NTHL1: variants seen among roughly 807,000 people sequenced by gnomAD.
NTHL1 encodes the protein endonuclease III-like protein 1.
In NTHL1, 32 loss-of-function variants were observed where a neutral mutation model predicts 32.3. That is an observed-to-expected ratio of 0.99 (90% CI 0.75 to 1.33). NTHL1 has a LOEUF of 1.33. NTHL1 is among the 40% of genes most tolerant of loss of function. The pLI is 0.00. For missense variants in NTHL1, 501 were observed against 414.1 expected, an observed-to-expected ratio of 1.21 and a Z score of -1.82; for synonymous variants, 188 against 176.9, an observed-to-expected ratio of 1.06 and a Z score of -0.50.
At chr16:2,041,366 A>G (rs1213152936) in intron 4 of NTHL1, among the ~76,000 whole-genome samples, 1 of 152,120 alleles carries the variant, frequency 6.6e-6, no homozygotes, top group East Asian at 1.9e-4. Context: ...AGCTTAGAGA[A>G]GCCAAGGGCC....
rs981501011 is a variant in NTHL1, at chr16:2,043,006, G to C, written c.685+561C>G. 2.3e-5 allele frequency among the ~76,000 whole-genome samples: 3 copies of C among 130,892 alleles called. 1 individual carries two copies. Among genetic ancestry groups the C allele is most frequent in the Admixed American group, 1.6e-4 (2 of 12,806 alleles). 85.9% of individuals were successfully genotyped at this position (130,892 alleles called of 152,430 possible). On this transcript the variant is annotated intron_variant, in intron 4 of 5. Coordinates refer to ENST00000651570, the MANE Select transcript of NTHL1 (RefSeq NM_002528.7). The surrounding 1 kb of genome is among the most constrained non-coding windows in gnomAD (Gnocchi z 4.4). Reference sequence around the variant, plus strand: ...CCCTCCCCACCCCACCTGCTGAGGGGATACTCTTCCTCCTCCCTCCTCAGT... The same window carrying C: ...CCCTCCCCACCCCACCTGCTGAGGGCATACTCTTCCTCCTCCCTCCTCAGT...
In NTHL1 at chr16:2,046,356, T is replaced by A. The variant is rs1015408170; in HGVS notation, c.126A>T (p.Lys42Asn). 4 of 1,605,054 alleles carry A rather than the reference T, an allele frequency of 2.5e-6. No individual in the cohort carries two copies. The highest frequency in any genetic ancestry group is 3.4e-6 in the Non-Finnish European group (4 of 1,174,032). ...RRREAAAEARKSHSPVKRPRK... is the reference protein window; with the variant it reads ...RRREAAAEARNSHSPVKRPRK... The stretch of plus-strand genomic sequence containing the variant: ...GCGGACGCTTCACGGGGCTGTGGCT[T>A]TTCCTCGCTTCTGCAAAAAGCACCA... Residue 42 changes from lysine (K) to asparagine (N), a missense_variant, in exon 2 of 6, where the codon AAA (lysine) becomes AAT (asparagine). By Grantham distance (94) the Lys-to-Asn change is moderately conservative. Coordinates refer to ENST00000651570, the MANE Select transcript of NTHL1 (RefSeq NM_002528.7).
Position 2,046,310 on chromosome 16 carries a change from C to T in NTHL1, c.172G>A (p.Val58Met), listed in dbSNP as rs1177326558. 5 of 1,612,636 alleles carry T rather than the reference C, an allele frequency of 3.1e-6. No individual in the cohort carries two copies. The highest frequency in any genetic ancestry group is 4.2e-6 in the Non-Finnish European group (5 of 1,179,492). Residue 58 changes from valine to methionine, a missense_variant, in exon 2 of 6, where the codon GTG becomes ATG. Val to Met is a conservative substitution (Grantham distance 21). Transcript: ENST00000651570. ...KRPRKAQRLRVAYEGSDSEKG... is the reference protein window; with the variant it reads ...KRPRKAQRLRMAYEGSDSEKG... ...TCACTGTCCGAGCCCTCATAGGCCA[C>T]ACGCAGTCTCTGTGCTTTCCGCGGA... is the stretch of plus-strand genomic sequence containing the variant.
In NTHL1 at chr16:2,043,543, C is replaced by T. The variant is rs2150941103; in HGVS notation, c.685+24G>A. Reference sequence around the variant, plus strand: ...CCCAAGAGCAGCCAGTGGGCTGGAGCCAGCCCCGCCCTCCTCTACTCACCA... The same window carrying T: ...CCCAAGAGCAGCCAGTGGGCTGGAGTCAGCCCCGCCCTCCTCTACTCACCA... On this transcript the variant is annotated intron_variant, in intron 4 of 5. Coordinates refer to ENST00000651570, the MANE Select transcript of NTHL1 (RefSeq NM_002528.7). The surrounding 1 kb of genome is among the most constrained non-coding windows in gnomAD (Gnocchi z 4.4). The T allele has an allele frequency of 6.2e-7, 1 of 1,601,726 alleles. No individual in the cohort carries two copies. Among genetic ancestry groups the T allele is most frequent in the Middle Eastern group, 2.0e-4 (1 of 5,084 alleles).
Position 2,043,117 on chromosome 16 carries a change from T to C in NTHL1, c.685+450A>G, listed in dbSNP as rs1050805032. On this transcript the variant is annotated intron_variant, in intron 4 of 5. Transcript: ENST00000651570. The surrounding 1 kb of genome is among the most constrained non-coding windows in gnomAD (Gnocchi z 4.4). ...TCGCATCATGGTTTTACAGATGCTG[T>C]TCCTTCTGCTGGGAACACACTTCCT... is the stretch of plus-strand genomic sequence containing the variant. Among the ~76,000 whole-genome samples, 1 of 150,830 alleles carries C rather than the reference T, an allele frequency of 6.6e-6. No homozygotes were observed. The highest frequency in any genetic ancestry group is 1.5e-5 in the Non-Finnish European group (1 of 67,742).
In NTHL1 at chr16:2,043,930, C is replaced by T. The variant is rs540407684; in HGVS notation, c.526-204G>A. The T allele has an allele frequency of 3.3e-5, 20 of 608,144 alleles. No homozygotes were observed. The highest frequency in any genetic ancestry group is 5.6e-5 in the Non-Finnish European group (19 of 340,170). The allele number at this position is 608,144 out of a possible 1,614,324, so 37.7% of individuals were successfully genotyped here. ...GTAGGCCTGACCCCCTCCTCCCACC[C>T]GTGTGGGCCAATGATGCACGTGTAG... On this transcript the variant is annotated intron_variant, in intron 3 of 5. Transcript: ENST00000651570. This position sits in a 1 kb window ranked among gnomAD's most constrained non-coding sequence, Gnocchi z 4.4.
In NTHL1 at chr16:2,044,865, G is replaced by GC. The variant is rs2084321921; in HGVS notation, c.355-66dup. ...CTGGGTGATTCCCTGGCCAGGCTCC[G>GC]CCCCCCGCCCTCGACACACCCTGGT... On this transcript the variant is annotated intron_variant, in intron 2 of 5. Transcript: ENST00000651570. This position sits in a 1 kb window ranked among gnomAD's most constrained non-coding sequence, Gnocchi z 5.0. The GC allele has an allele frequency of 2.7e-6, 4 of 1,494,216 alleles. No homozygotes were observed. The highest frequency in any genetic ancestry group is 2.5e-5 in the South Asian group (2 of 78,800). The allele number at this position is 1,494,216 out of a possible 1,614,324, so 92.6% of individuals were successfully genotyped here.
rs200007034 is a variant in NTHL1, at chr16:2,043,675, C to G, written c.577G>C (p.Gly193Arg). Residue 193 changes from glycine to arginine, a missense_variant, in exon 4 of 6, where the codon GGT becomes CGT. Gly to Arg is a moderately radical substitution (Grantham distance 125). Coordinates refer to ENST00000651570, the MANE Select transcript of NTHL1 (RefSeq NM_002528.7). This position sits in a 1 kb window ranked among gnomAD's most constrained non-coding sequence, Gnocchi z 4.4. ...QTSAILQQHY[G>R]GDIPASVAEL... The stretch of plus-strand genomic sequence containing the variant: ...GCCACAGAGGCTGGGATGTCCCCAC[C>G]GTAGTGCTGCTGCAGGATGGCGCTG... 1.9e-6 allele frequency: 3 copies of G among 1,612,182 alleles called. No individual in the cohort carries two copies. Among genetic ancestry groups the G allele is most frequent in the Non-Finnish European group, 2.5e-6 (3 of 1,179,978 alleles).
At chr16:2,040,941 C>T (rs1348348948) in intron 4 of NTHL1, among the ~76,000 whole-genome samples, 1 of 152,214 alleles carries the variant, frequency 6.6e-6, no homozygotes, top group Non-Finnish European at 1.5e-5. Flanking sequence ...CTGCAGCGGT[C>T]AGGGACACAG....
At position 2,040,117 on chromosome 16, in the gene NTHL1, C is replaced by T. The variant is rs1389536037; in HGVS notation, c.791+16G>A. 1 of 1,613,238 alleles carries T rather than the reference C, an allele frequency of 6.2e-7. No homozygotes were observed. Among genetic ancestry groups the T allele is most frequent in the Non-Finnish European group, 8.5e-7 (1 of 1,179,920 alleles). ...GGTGAGCTCTTCTCCCTAGGAAGCC[C>T]CCCACATACTCATACCTAGGCAGCC... On this transcript the variant is annotated intron_variant, in intron 5 of 5. Coordinates refer to ENST00000651570, the MANE Select transcript of NTHL1 (RefSeq NM_002528.7).
rs2084384334 is a variant in NTHL1, at chr16:2,046,327, T to G, written c.155A>C (p.Lys52Thr). The G allele has an allele frequency of 1.2e-6, 2 of 1,610,850 alleles. No homozygotes were observed. Among genetic ancestry groups the G allele is most frequent in the African/African-American group, 2.7e-5 (2 of 74,904 alleles). Residue 52 changes from lysine to threonine, a missense_variant, in exon 2 of 6, where the codon AAA becomes ACA. Coordinates refer to ENST00000651570, the MANE Select transcript of NTHL1 (RefSeq NM_002528.7). ...KSHSPVKRPR[K>T]AQRLRVAYEG... ...ATAGGCCACACGCAGTCTCTGTGCT[T>G]TCCGCGGACGCTTCACGGGGCTGTG...
intron 4 of NTHL1, chr16:2,040,495 C>T: frequency 3.5e-6 from 2 of 570,726 alleles, no homozygotes; most frequent in Non-Finnish European, 6.3e-6. Flanking sequence ...TTCTGGGCTG[C>T]CCACTCCCAA....
chr16:2,047,433 G>A (rs547534225), intron 1 of NTHL1: 9 of 528,688 alleles, frequency 1.7e-5, no homozygotes, highest in Admixed American at 1.4e-4. Flanking sequence ...GCCTGGAGTG[G>A]AGAGTCCCGG....
At chr16:2,045,962 T>G (rs1596221869) in intron 2 of NTHL1, among the ~76,000 whole-genome samples, 166 bp downstream of exon 2, 1 of 152,194 alleles carries the variant, frequency 6.6e-6, no homozygotes, top group East Asian at 1.9e-4. Flanking sequence ...TGTCCTGACC[T>G]GCTGAGTGGC....
intron 4 of NTHL1, chr16:2,042,077 G>A (rs183452379): frequency 3.5e-4 from 161 of 456,030 alleles, no homozygotes; most frequent in African/African-American, 2.2e-3. Context: ...AACTGAGAGC[G>A]TTTCTCTTTC....
chr16:2,045,189 T>C (rs1382635399), intron 2 of NTHL1, among the ~76,000 whole-genome samples: 1 of 151,862 alleles, frequency 6.6e-6, no homozygotes, highest in Non-Finnish European at 1.5e-5. Flanking sequence ...ATACAAACAT[T>C]AGCTGGGTGC....
At chr16:2,042,076 C>T (rs940231490) in intron 4 of NTHL1, 2 of 455,996 alleles carry the variant, frequency 4.4e-6, no homozygotes, top group African/African-American at 2.0e-5. Flanking sequence ...TAACTGAGAG[C>T]GTTTCTCTTT....
At chr16:2,046,454 C>G (rs944204483) in intron 1 of NTHL1, 88 bp from the exon 2 acceptor site, 2 of 1,196,904 alleles carry the variant, frequency 1.7e-6, no homozygotes, top group Non-Finnish European at 2.4e-6. Flanking sequence ...TCACCCCTCA[C>G]TCGTTCATGC....
In NTHL1 at chr16:2,046,322, G is replaced by A. The variant is rs1596223384; in HGVS notation, c.160C>T (p.Gln54Ter). The A allele has an allele frequency of 2.5e-6, 4 of 1,611,430 alleles. No individual in the cohort carries two copies. The highest frequency in any genetic ancestry group is 2.2e-5 in the East Asian group (1 of 44,820). ...HSPVKRPRKA[Q>*]RLRVAYEGSD... ...CCCTCATAGGCCACACGCAGTCTCT[G>A]TGCTTTCCGCGGACGCTTCACGGGG... Residue 54 changes from glutamine (Q) to a stop codon, truncating the protein, a stop_gained, in exon 2 of 6, where the codon CAG becomes TAG. Coordinates refer to ENST00000651570, the MANE Select transcript of NTHL1 (RefSeq NM_002528.7). LOFTEE classifies it high-confidence loss of function.
Sources: gnomAD v4.1 joint callset for allele counts (sites outside exome capture counted in the v4.1 genomes callset) on GRCh38, gnomAD v4.1.1 for gene constraint, Gnocchi (gnomAD v3.1) non-coding constraint, MANE v1.5 for transcripts, NCBI Gene and HGNC (gene_info 2026-07-23, HGNC 2026-07-21) for gene names.